The following PLEKHG1 variants were observed in gnomAD, a reference collection of about 807,000 sequenced individuals.
The protein encoded by PLEKHG1 is pleckstrin homology and RhoGEF domain containing G1.
Under a neutral mutation model 100.8 loss-of-function variants are expected in PLEKHG1, and 44 were observed. The observed-to-expected ratio is 0.44, with a 90% confidence interval of 0.34 to 0.56. The LOEUF (loss-of-function observed/expected upper bound fraction) is 0.56. Ranked by LOEUF, PLEKHG1 falls within the 20% of genes least tolerant of loss-of-function variation. PLEKHG1 has a pLI of 0.01. For synonymous variants in PLEKHG1, 640 were observed against 662.5 expected (o/e 0.97, Z 0.52); for missense variants, 1,545 against 1,720.9 (o/e 0.90, Z 1.81).
At chr6:150,686,865 T>G (rs1419421241) in intron 3 of PLEKHG1, 1 of 152,610 alleles carries the variant, frequency 6.6e-6, no homozygotes, top group Non-Finnish European at 1.5e-5. Context: ...CACGGCGACC[T>G]GGGGAGCATG....
intron 3 of PLEKHG1, among the ~76,000 whole-genome samples, chr6:150,709,063 G>T (rs1316656883): frequency 1.3e-5 from 2 of 152,208 alleles, no homozygotes; most frequent in East Asian, 3.8e-4. Context: ...GCTGGGCGCG[G>T]TGGCTCATGC....
At chr6:150,785,936 A>G (rs879312177) in intron 3 of PLEKHG1, among the ~76,000 whole-genome samples, 3 of 151,866 alleles carry the variant, frequency 2.0e-5, no homozygotes, top group Non-Finnish European at 4.4e-5. Flanking sequence ...AACCATCCCC[A>G]CAATCCAGTC....
At chr6:150,760,206 A>G (rs1404992170) in intron 2 of PLEKHG1, among the ~76,000 whole-genome samples, 1 of 152,188 alleles carries the variant, frequency 6.6e-6, no homozygotes, top group Non-Finnish European at 1.5e-5. Flanking sequence ...TCTTATTTTC[A>G]GATGCGTCAA....
intron 1 of PLEKHG1, among the ~76,000 whole-genome samples, chr6:150,729,269 C>T (rs1035166106): frequency 6.6e-6 from 1 of 152,116 alleles, no homozygotes; most frequent in Non-Finnish European, 1.5e-5. Context: ...ACTAGGTTGC[C>T]CAGGCTAGTC....
chr6:150,734,237 C>T, intron 2 of PLEKHG1, 145 bp downstream of exon 3: 1 of 808,650 alleles, frequency 1.2e-6, no homozygotes, highest in Non-Finnish European at 2.0e-6. Context: ...AAGAGAAACC[C>T]TAAGGCCGTA....
chr6:150,830,057 G>T (rs1369515251), intron 14 of PLEKHG1, among the ~76,000 whole-genome samples: 1 of 152,150 alleles, frequency 6.6e-6, no homozygotes, highest in African/African-American at 2.4e-5. Flanking sequence ...AGAATTTTCT[G>T]TATTTAGCTT....
At chr6:150,841,842 G>T (rs886110787) in exon 16 of PLEKHG1, 1 of 152,206 alleles carries the variant, frequency 6.6e-6, no homozygotes, top group South Asian at 2.1e-4. Flanking sequence ...TTTCCAGAGC[G>T]CTTTGCACAT....
intron 5 of PLEKHG1, among the ~76,000 whole-genome samples, chr6:150,797,236 C>T (rs934260429): frequency 1.3e-5 from 2 of 152,222 alleles, no homozygotes; most frequent in East Asian, 1.9e-4. Flanking sequence ...AGGTCCCTGA[C>T]GATAAAGTGG....
At chr6:150,776,446 C>T (rs1473921612) in intron 3 of PLEKHG1, among the ~76,000 whole-genome samples, 3 of 143,032 alleles carry the variant, frequency 2.1e-5, no homozygotes, top group South Asian at 2.2e-4. Context: ...TGCACATGTG[C>T]AGTTGCACAT....
chr6:150,804,175 ATTTTTTTTTTTT>A (rs1554276244), intron 6 of PLEKHG1, among the ~76,000 whole-genome samples: 1 of 43,176 alleles, frequency 2.3e-5, no homozygotes, highest in Non-Finnish European at 3.9e-5. Context: ...ATATATATAT[ATTTTTTTTTTTT>A]TTTTTTTTTT....
At chr6:150,638,637 C>T (rs1464187702) in intron 2 of PLEKHG1, among the ~76,000 whole-genome samples, 5 of 152,116 alleles carry the variant, frequency 3.3e-5, no homozygotes, top group Non-Finnish European at 7.4e-5. Flanking sequence ...GGTAGAAGCC[C>T]CCTTGCCAGG....
intron 3 of PLEKHG1, among the ~76,000 whole-genome samples, chr6:150,657,063 T>C (rs1295311271): frequency 6.6e-6 from 1 of 152,162 alleles, no homozygotes; most frequent in Non-Finnish European, 1.5e-5. Flanking sequence ...TGACTTTCAG[T>C]CATCTCAAAT....
chr6:150,712,653 A>C (rs1366180937), intron 3 of PLEKHG1, among the ~76,000 whole-genome samples: 2 of 152,224 alleles, frequency 1.3e-5, no homozygotes, highest in African/African-American at 4.8e-5. Context: ...TGTTCTGTTA[A>C]CATAAACAAG....
upstream of PLEKHG1, among the ~76,000 whole-genome samples, chr6:150,716,811 G>C (rs1781463497): frequency 6.6e-6 from 1 of 151,400 alleles, no homozygotes; most frequent in Non-Finnish European, 1.5e-5. Flanking sequence ...AAACCAAAAA[G>C]ATTTGGAATT....
intron 3 of PLEKHG1, among the ~76,000 whole-genome samples, chr6:150,768,942 C>T (rs1017443886): frequency 6.6e-6 from 1 of 152,124 alleles, no homozygotes. Flanking sequence ...CTCTCTCCAT[C>T]CTCCTGGCTC....
chr6:150,608,183 C>A (rs1776681468), intron 1 of PLEKHG1, among the ~76,000 whole-genome samples: 3 of 152,210 alleles, frequency 2.0e-5, no homozygotes, highest in African/African-American at 7.2e-5. Context: ...CAGATGGCTT[C>A]TAAAAAGCAT....
chr6:150,675,138 T>C (rs905175054), intron 3 of PLEKHG1, among the ~76,000 whole-genome samples: 1 of 152,170 alleles, frequency 6.6e-6, no homozygotes, highest in Admixed American at 6.5e-5. Context: ...GTTCACCATA[T>C]GCCAGCAGAC....
In PLEKHG1 at chr6:150,672,659, A is replaced by G. The variant is rs1193612907; in HGVS notation, c.-99+21873A>G. Among the ~76,000 whole-genome samples the G allele has an allele frequency of 2.0e-5, 3 of 152,244 alleles. No homozygotes were observed. The East Asian group carries it at 5.8e-4, about 29-fold the overall frequency. On this transcript the variant is annotated intron_variant, in intron 3 of 3. Coordinates refer to the PLEKHG1 transcript ENST00000367326. The stretch of plus-strand genomic sequence containing the variant: ...AAGAAAAATATAGTTATCTGTTGTT[A>G]TTTGTAGATGTTTAATTTCATTTCC...
chr6:150,819,872 C>T, intron 12 of PLEKHG1, 98 bp downstream of exon 13: 5 of 770,406 alleles, frequency 6.5e-6, no homozygotes, highest in Non-Finnish European at 1.2e-5. Flanking sequence ...TCTGGTTTCT[C>T]AGCTCACTGC....
Sources: allele counts gnomAD v4.1 joint callset (sites outside exome capture counted in the v4.1 genomes callset), GRCh38; gene constraint gnomAD v4.1.1; transcripts MANE v1.5; gene names NCBI Gene and HGNC (gene_info 2026-07-23, HGNC 2026-07-21).